Variants in SNAP91 observed in about 807,000 individuals in gnomAD.
SNAP91 encodes the protein synaptosome associated protein 91, also known as clathrin coat assembly protein AP180.
A neutral mutation model predicts 100.3 loss-of-function variants in SNAP91; 27 were observed. That is an observed-to-expected ratio of 0.27 (90% CI 0.20 to 0.37). SNAP91 has a LOEUF of 0.37. SNAP91 is among the 10% of genes least tolerant of loss of function. The pLI is 1.00. For missense variants in SNAP91, 986 were observed against 1,123.7 expected, an observed-to-expected ratio of 0.88 and a Z score of 1.75; for synonymous variants, 404 against 398.6, an observed-to-expected ratio of 1.01 and a Z score of -0.16.
intron 21 of SNAP91, 48 bp downstream of exon 21, chr6:83,592,407 C>A: frequency 1.6e-6 from 2 of 1,254,180 alleles, no homozygotes; most frequent in Non-Finnish European, 2.2e-6. Flanking sequence ...AAAAATTATT[C>A]TGAAGAAAAA....
intron 2 of SNAP91, among the ~76,000 whole-genome samples, chr6:83,684,183 T>G (rs945576936): frequency 6.6e-6 from 1 of 152,168 alleles, no homozygotes; most frequent in African/African-American, 2.4e-5. Flanking sequence ...TGTAAGAAGT[T>G]AACTTCTCTT....
In SNAP91 at chr6:83,704,896, A is replaced by T. The variant is rs186938377; in HGVS notation, c.130+2902T>A. On this transcript the variant is annotated intron_variant, in intron 2 of 29. Transcript: ENST00000369694. ...AACACCAACTACTTGAGAATCTTCA[A>T]TGCCTATAAAGAAACTTAATTATGT... is the stretch of plus-strand genomic sequence containing the variant. Among the ~76,000 whole-genome samples the T allele has an allele frequency of 6.8e-4, 103 of 152,338 alleles. 1 individual carries two copies. Among genetic ancestry groups the T allele is most frequent in the African/African-American group, 2.2e-3 (93 of 41,592 alleles).
chr6:83,600,615 A>G (rs2095079452), intron 16 of SNAP91, among the ~76,000 whole-genome samples: 1 of 152,214 alleles, frequency 6.6e-6, no homozygotes, highest in African/African-American at 2.4e-5. Context: ...TTACATTTCC[A>G]TGGAAAGCAT....
intron 8 of SNAP91, among the ~76,000 whole-genome samples, chr6:83,631,749 G>A (rs191897760): frequency 3.9e-4 from 59 of 152,042 alleles, no homozygotes; most frequent in Admixed American, 3.0e-3. Flanking sequence ...TGAGTCTCTC[G>A]AAGGCAGCAG....
At chr6:83,561,730 A>G (rs1788053465) in intron 26 of SNAP91, among the ~76,000 whole-genome samples, 2 of 152,044 alleles carry the variant, frequency 1.3e-5, no homozygotes. Flanking sequence ...TTTTAGGTGG[A>G]TGTGGTGGCT....
intron 8 of SNAP91, among the ~76,000 whole-genome samples, chr6:83,636,699 G>A (rs2097464088): frequency 6.6e-6 from 1 of 152,198 alleles, no homozygotes; most frequent in South Asian, 2.1e-4. Context: ...TTGCTAGGGA[G>A]CTAATGCCAT....
intron 8 of SNAP91, among the ~76,000 whole-genome samples, chr6:83,636,121 G>A (rs1280530817): frequency 1.3e-5 from 2 of 152,032 alleles, no homozygotes; most frequent in Admixed American, 6.6e-5. Flanking sequence ...GTTGATCTTG[G>A]AAAGCTTGAT....
chr6:83,576,150 G>T lies in SNAP91; in HGVS notation c.2300-97C>A, dbSNP rs570528142. 3 of 632,568 alleles carry T rather than the reference G, an allele frequency of 4.7e-6. No individual in the cohort carries two copies. In the Admixed American group the frequency reaches 1.2e-4, roughly 26 times the overall value. The allele number at this position is 632,568 out of a possible 1,614,324, so 39.2% of individuals were successfully genotyped here. On this transcript the variant is annotated intron_variant, in intron 24 of 29. Transcript: ENST00000369694. ...CAAATAATCAGAAGTCTATAAAAAAGTCCTTATTTTGCCTAGGAATGACTG... is the reference window on the plus strand; with the variant it reads ...CAAATAATCAGAAGTCTATAAAAAATTCCTTATTTTGCCTAGGAATGACTG...
intron 12 of SNAP91, 91 bp from the exon 13 acceptor site, chr6:83,607,899 C>T: frequency 1.8e-6 from 1 of 560,292 alleles, no homozygotes. Context: ...CCATGACATG[C>T]CCAGCAATTT....
At chr6:83,617,486 G>C (rs188027913) in intron 9 of SNAP91, among the ~76,000 whole-genome samples, 637 of 151,702 alleles carry the variant, frequency 4.2e-3, no homozygotes, top group African/African-American at 0.014. Flanking sequence ...TGAAATATTA[G>C]GAAAAACCAT....
intron 28 of SNAP91, 42 bp from the exon 29 acceptor site, chr6:83,556,287 C>T: frequency 1.1e-6 from 1 of 879,318 alleles, no homozygotes; most frequent in Admixed American, 2.7e-5. Context: ...GAATAGAAAG[C>T]AGAGAGAGAA....
At chr6:83,699,167 C>A (rs2099260594) in intron 2 of SNAP91, among the ~76,000 whole-genome samples, 1 of 152,056 alleles carries the variant, frequency 6.6e-6, no homozygotes, top group Non-Finnish European at 1.5e-5. Context: ...GCCAACATGA[C>A]CTCAGAGTCT....
At chr6:83,632,604 G>T (rs545214034) in intron 8 of SNAP91, among the ~76,000 whole-genome samples, 47 of 152,128 alleles carry the variant, frequency 3.1e-4, no homozygotes, top group South Asian at 1.0e-3. Flanking sequence ...TTTTTTCTTT[G>T]CTAGATTGGG....
At chr6:83,588,360 A>G (rs1292394698) in intron 22 of SNAP91, among the ~76,000 whole-genome samples, 1 of 152,370 alleles carries the variant, frequency 6.6e-6, no homozygotes, top group East Asian at 1.9e-4. Context: ...AAGAAGATGC[A>G]GTAGAAGAAA....
At chr6:83,572,283 T>C (rs1408195108) in intron 26 of SNAP91, among the ~76,000 whole-genome samples, 2 of 152,188 alleles carry the variant, frequency 1.3e-5, no homozygotes, top group African/African-American at 2.4e-5. Context: ...GGACTCACTG[T>C]CGCCCACGGC....
At chr6:83,562,240 A>C (rs1789019940) in intron 26 of SNAP91, among the ~76,000 whole-genome samples, 1 of 152,146 alleles carries the variant, frequency 6.6e-6, no homozygotes, top group East Asian at 1.9e-4. Flanking sequence ...ACAAAAGAAA[A>C]CTACAGCGCG....
chr6:83,595,084 C>T (rs1038923036), intron 16 of SNAP91, among the ~76,000 whole-genome samples: 4 of 151,822 alleles, frequency 2.6e-5, no homozygotes, highest in South Asian at 2.1e-4. Context: ...TCAAACATAA[C>T]CAATAATTTT....
chr6:83,580,409 T>C (rs766556265), intron 24 of SNAP91, 41 bp downstream of exon 24: 6 of 1,506,340 alleles, frequency 4.0e-6, no homozygotes, highest in East Asian at 4.7e-5. Context: ...AATTCACATA[T>C]GCTTCAGTTA....
chr6:83,654,041 A>AT (rs1354476946), intron 7 of SNAP91, among the ~76,000 whole-genome samples: 3 of 152,200 alleles, frequency 2.0e-5, no homozygotes, highest in Non-Finnish European at 4.4e-5. Flanking sequence ...GCACAAGGAG[A>AT]TTTTTCCCTA....
Sources: gnomAD v4.1 joint callset for allele counts (sites outside exome capture counted in the v4.1 genomes callset) on GRCh38, gnomAD v4.1.1 for gene constraint, MANE v1.5 for transcripts, NCBI Gene and HGNC (gene_info 2026-07-23, HGNC 2026-07-21) for gene names.